Variants in EIF4E observed in about 807,000 individuals in gnomAD.
EIF4E encodes the protein eukaryotic translation initiation factor 4E, also known as eIF-4F 25 kDa subunit.
For missense variants in EIF4E, 113 were observed against 265.6 expected (o/e 0.43, Z 3.99); for synonymous variants, 71 against 88.5 (o/e 0.80, Z 1.11).
At chr4:98,884,261 G>A (rs1359955491) in intron 6 of EIF4E, among the ~76,000 whole-genome samples, 1 of 152,078 alleles carries the variant, frequency 6.6e-6, no homozygotes, top group Non-Finnish European at 1.5e-5. Context: ...TCTTTTCAAA[G>A]TAGTACTTTT....
At chr4:98,917,738 T>C (rs1271006045) in intron 1 of EIF4E, among the ~76,000 whole-genome samples, 2 of 152,184 alleles carry the variant, frequency 1.3e-5, no homozygotes, top group East Asian at 1.9e-4. Flanking sequence ...GCTGAAATGC[T>C]GCTGTGGTGT....
chr4:98,901,746 A>G, intron 2 of EIF4E, 130 bp downstream of exon 2: 1 of 857,974 alleles, frequency 1.2e-6, no homozygotes, highest in Non-Finnish European at 2.0e-6. Context: ...GGGTCATCCA[A>G]GTGAAAATAG....
At chr4:98,886,379 T>C (rs985838417) in intron 5 of EIF4E, 2 of 378,440 alleles carry the variant, frequency 5.3e-6, no homozygotes, top group East Asian at 8.0e-5. Flanking sequence ...GTAGGTCAAA[T>C]GGTAGTACAC....
intron 6 of EIF4E, among the ~76,000 whole-genome samples, chr4:98,882,468 CAAAT>C: frequency 6.8e-6 from 1 of 148,092 alleles, no homozygotes; most frequent in East Asian, 2.0e-4. Context: ...AAGCAAAAAT[CAAAT>C]AAAAATAAAG....
Position 98,887,315 on chromosome 4 carries a change from T to C in EIF4E, c.286-123A>G, listed in dbSNP as rs1320962633. On this transcript the variant is annotated intron_variant, in intron 4 of 6. Coordinates refer to ENST00000450253, the MANE Select transcript of EIF4E (RefSeq NM_001968.5). This position sits in a 1 kb window ranked among gnomAD's most constrained non-coding sequence, Gnocchi z 4.0. ...TACTTTATTGCCCATAAAACTGCCA[T>C]TGATGTAGTTTTTAAACAGCACATA... 3.4e-5 allele frequency: 34 copies of C among 998,632 alleles called. No homozygotes were observed. The highest frequency in any genetic ancestry group is 4.9e-5 in the Non-Finnish European group (31 of 629,922). 61.9% of individuals were successfully genotyped at this position (998,632 alleles called of 1,614,324 possible).
At chr4:98,897,932 A>C (rs1035883124) in intron 2 of EIF4E, among the ~76,000 whole-genome samples, 1 of 152,252 alleles carries the variant, frequency 6.6e-6, no homozygotes, top group African/African-American at 2.4e-5. Context: ...TTTCCAAATA[A>C]GCAGTGTATG....
intron 1 of EIF4E, among the ~76,000 whole-genome samples, chr4:98,921,836 C>T (rs570296233): frequency 2.0e-5 from 3 of 152,210 alleles, no homozygotes; most frequent in South Asian, 4.1e-4. Flanking sequence ...GGAAATCATA[C>T]GAACTAGCAA....
At chr4:98,910,123 A>C (rs1258053744) in intron 1 of EIF4E, among the ~76,000 whole-genome samples, 1 of 152,212 alleles carries the variant, frequency 6.6e-6, no homozygotes, top group Non-Finnish European at 1.5e-5. Context: ...ATTTACAGTA[A>C]AGGAATACCA....
At chr4:98,891,463 C>T (rs1724139766) in intron 2 of EIF4E, 131 bp from the exon 3 acceptor site, 3 of 743,484 alleles carry the variant, frequency 4.0e-6, no homozygotes, top group East Asian at 5.4e-5. Context: ...TGTATATATA[C>T]ACACAATGGA....
intron 1 of EIF4E, among the ~76,000 whole-genome samples, chr4:98,910,741 T>C (rs1725088783): frequency 6.6e-6 from 1 of 152,096 alleles, no homozygotes; most frequent in Non-Finnish European, 1.5e-5. Flanking sequence ...ATTCTTTTTT[T>C]TTTTTTGAGA....
At chr4:98,907,545 A>G (rs1267663088) in intron 1 of EIF4E, among the ~76,000 whole-genome samples, 2 of 152,218 alleles carry the variant, frequency 1.3e-5, no homozygotes, top group African/African-American at 2.4e-5. Context: ...CAGTCTGTAT[A>G]TATCAGGCTC....
At chr4:98,927,333 T>C (rs990589955) in intron 1 of EIF4E, among the ~76,000 whole-genome samples, 1 of 152,170 alleles carries the variant, frequency 6.6e-6, no homozygotes, top group Non-Finnish European at 1.5e-5. Flanking sequence ...TTGTGTAGTC[T>C]ATAAGAGTTT....
chr4:98,882,680 CA>C (rs538620544), intron 6 of EIF4E, among the ~76,000 whole-genome samples: 5 of 151,142 alleles, frequency 3.3e-5, no homozygotes, highest in Non-Finnish European at 7.4e-5. Context: ...TTAAAAATGT[CA>C]AAAAGCAAGA....
intron 3 of EIF4E, among the ~76,000 whole-genome samples, 157 bp from the exon 4 acceptor site, chr4:98,888,109 G>T (rs986847462): frequency 4.6e-5 from 7 of 152,042 alleles, no homozygotes; most frequent in African/African-American, 1.7e-4. Flanking sequence ...GGACAAAACA[G>T]ATCTTAAAAG....
intron 1 of EIF4E, among the ~76,000 whole-genome samples, chr4:98,921,700 C>T (rs1002984237): frequency 1.5e-4 from 23 of 152,154 alleles, no homozygotes; most frequent in Admixed American, 2.6e-4. Context: ...AACTGTTTTA[C>T]CCTTTGCCAG....
chr4:98,886,678 C>T (rs888515063), intron 5 of EIF4E: 13 of 330,662 alleles, frequency 3.9e-5, no homozygotes, highest in Middle Eastern at 1.1e-3. Context: ...AATAAATATC[C>T]GCACTCCAGC....
At chr4:98,886,860 C>T in intron 5 of EIF4E, 1 of 509,254 alleles carries the variant, frequency 2.0e-6, no homozygotes, top group South Asian at 2.0e-5. Context: ...TGAGAGTCAA[C>T]TGCCAATCAC....
Position 98,909,722 on chromosome 4 carries a change from T to C in EIF4E, c.19-7740A>G, listed in dbSNP as rs574882052. On this transcript the variant is annotated intron_variant, in intron 1 of 6. Coordinates refer to ENST00000450253, the MANE Select transcript of EIF4E (RefSeq NM_001968.5). ...TCTGCCTGCTTTTTAATGGCATCAT[T>C]TTCACCATCTTCAGCTCTCATTTTT... is the stretch of plus-strand genomic sequence containing the variant. 5.5e-5 allele frequency: 39 copies of C among 707,724 alleles called. No individual in the cohort carries two copies. The South Asian group carries it at 5.6e-4, about 10-fold the overall frequency. The allele number at this position is 707,724 out of a possible 1,614,324, so 43.8% of individuals were successfully genotyped here. A position where few individuals can be genotyped will look rare whatever the true frequency, so the allele number is the denominator to read the frequency against.
At chr4:98,892,595 T>C (rs1175359812) in intron 2 of EIF4E, among the ~76,000 whole-genome samples, 1 of 130,234 alleles carries the variant, frequency 7.7e-6, no homozygotes, top group African/African-American at 2.6e-5. Flanking sequence ...AGCACGAGAA[T>C]CACTTGAATC....
Sources: allele counts gnomAD v4.1 joint callset (sites outside exome capture counted in the v4.1 genomes callset), GRCh38; gene constraint gnomAD v4.1.1; non-coding constraint Gnocchi (gnomAD v3.1); transcripts MANE v1.5; gene names NCBI Gene and HGNC (gene_info 2026-07-23, HGNC 2026-07-21).